Variants in SORCS3 observed in about 807,000 individuals in gnomAD.
SORCS3 encodes the protein sortilin related VPS10 domain containing receptor 3, also known as VPS10 domain-containing receptor SorCS3.
A neutral mutation model predicts 146.3 loss-of-function variants in SORCS3; 57 were observed. The ratio of observed to expected loss-of-function variants is 0.39; its 90% CI spans 0.31 to 0.49. The LOEUF (loss-of-function observed/expected upper bound fraction) is 0.49. SORCS3 is among the 20% of genes least tolerant of loss of function. SORCS3 has a pLI of 0.92. For missense variants in SORCS3, 1,341 were observed against 1,575.5 expected (o/e 0.85, Z 2.52); for synonymous variants, 653 against 618.5 (o/e 1.06, Z -0.83).
chr10:104,908,254 A>G (rs2133594791), intron 2 of SORCS3, among the ~76,000 whole-genome samples: 1 of 152,352 alleles, frequency 6.6e-6, no homozygotes, highest in South Asian at 2.1e-4. Context: ...GGGTCTTATC[A>G]TACACTTATG....
intron 1 of SORCS3, among the ~76,000 whole-genome samples, chr10:104,718,415 C>G (rs1253529278): frequency 6.6e-6 from 1 of 152,144 alleles, no homozygotes; most frequent in Non-Finnish European, 1.5e-5. Context: ...GGGCTCTGAC[C>G]TTCATGACAT....
chr10:105,203,850 G>T (rs1175342888), intron 16 of SORCS3, among the ~76,000 whole-genome samples: 1 of 152,124 alleles, frequency 6.6e-6, no homozygotes, highest in Non-Finnish European at 1.5e-5. Context: ...GCTAGCTATT[G>T]CTGCTGCTGT....
intron 2 of SORCS3, among the ~76,000 whole-genome samples, chr10:104,866,467 A>C (rs554847896): frequency 9.5e-4 from 145 of 152,324 alleles, no homozygotes; most frequent in Non-Finnish European, 1.6e-3. Flanking sequence ...AGTTAAAAAA[A>C]ACCTAGGTAC....
Position 104,853,270 on chromosome 10 carries a change from G to T in SORCS3, c.695+10411G>T, listed in dbSNP as rs180768450. Among the ~76,000 whole-genome samples, 509 of 152,344 alleles carry T rather than the reference G, an allele frequency of 3.3e-3. 2 individuals carry two copies. The highest frequency in any genetic ancestry group is 0.018 in the South Asian group (87 of 4,822). ...GCCAAGATTGCACCACTGCACTCCA[G>T]CCTGGATGACAGAATGAGACTGCGT... On this transcript the variant is annotated intron_variant, in intron 2 of 26. Transcript: ENST00000369701.
intron 3 of SORCS3, among the ~76,000 whole-genome samples, chr10:104,947,968 C>A (rs746366508): frequency 1.3e-5 from 2 of 152,132 alleles, no homozygotes; most frequent in African/African-American, 4.8e-5. Flanking sequence ...AAACAAAACT[C>A]CTTTTGTCTG....
intron 1 of SORCS3, among the ~76,000 whole-genome samples, chr10:104,646,886 G>T (rs1229900775): frequency 6.6e-6 from 1 of 152,040 alleles, no homozygotes; most frequent in African/African-American, 2.4e-5. Flanking sequence ...TGGTGTTGTG[G>T]GTAACTGAGA....
chr10:104,655,258 A>T (rs996929825), intron 1 of SORCS3, among the ~76,000 whole-genome samples: 5 of 151,990 alleles, frequency 3.3e-5, no homozygotes, highest in African/African-American at 7.3e-5. Flanking sequence ...AAAAAAAAAA[A>T]AAAAGGAGTA....
chr10:105,157,181 A>G lies in SORCS3; in HGVS notation c.1526A>G (p.Asp509Gly). The G allele has an allele frequency of 6.2e-7, 1 of 1,614,038 alleles. No individual in the cohort carries two copies. Among genetic ancestry groups the G allele is most frequent in the Non-Finnish European group, 8.5e-7 (1 of 1,179,930 alleles). The change falls in exon 10 of 27, where the codon GAC (aspartate) becomes GGC (glycine). Residue 509 changes from aspartate to glycine, a missense_variant. By Grantham distance (94) the Asp-to-Gly change is moderately conservative (BLOSUM62 -1). Coordinates refer to ENST00000369701, the MANE Select transcript of SORCS3 (RefSeq NM_014978.3). ...KGIFLANKKVDDQVKTYITYN... is the reference protein window; with the variant it reads ...KGIFLANKKVGDQVKTYITYN... ...ATATTTCTGGCAAACAAGAAGGTGG[A>G]CGACCAGGTGAAGACATACATCACT... is the stretch of plus-strand genomic sequence containing the variant.
intron 7 of SORCS3, among the ~76,000 whole-genome samples, chr10:105,124,650 G>A (rs1403792434): frequency 6.6e-6 from 1 of 152,128 alleles, no homozygotes; most frequent in African/African-American, 2.4e-5. Flanking sequence ...AAAATTGTCT[G>A]ATTCTTTAAT....
At chr10:105,042,235 G>A (rs1390286474) in intron 4 of SORCS3, among the ~76,000 whole-genome samples, 7 of 152,180 alleles carry the variant, frequency 4.6e-5, no homozygotes, top group Non-Finnish European at 7.3e-5. Flanking sequence ...TGGTGGCACC[G>A]TGGAAGCTTA....
At chr10:105,263,269 A>G in intron 26 of SORCS3, 41 bp from the exon 27 acceptor site, 1 of 1,596,974 alleles carries the variant, frequency 6.3e-7, no homozygotes, top group Non-Finnish European at 8.6e-7. Context: ...GCCCTTGTGG[A>G]ACTCACATCC....
intron 4 of SORCS3, among the ~76,000 whole-genome samples, chr10:104,981,303 T>C (rs189489788): frequency 6.6e-6 from 1 of 152,314 alleles, no homozygotes; most frequent in African/African-American, 2.4e-5. Context: ...TTCTTGGGTA[T>C]CTTTGTAGAT....
chr10:105,164,712 A>G (rs1185300682), intron 12 of SORCS3, among the ~76,000 whole-genome samples: 1 of 152,168 alleles, frequency 6.6e-6, no homozygotes, highest in Non-Finnish European at 1.5e-5. Flanking sequence ...GTGTGCCAAG[A>G]GTTCTTGGCA....
intron 3 of SORCS3, among the ~76,000 whole-genome samples, chr10:104,935,904 G>C (rs937103686): frequency 1.3e-5 from 2 of 152,128 alleles, no homozygotes; most frequent in African/African-American, 4.8e-5. Context: ...AGTGGTTAGG[G>C]ACCATGTGAG....
intron 17 of SORCS3, among the ~76,000 whole-genome samples, chr10:105,211,804 T>C (rs373981942): frequency 2.6e-5 from 4 of 152,230 alleles, no homozygotes; most frequent in African/African-American, 9.6e-5. Flanking sequence ...ATTTGTTGTC[T>C]TGCCCTTTCC....
At chr10:104,853,999 A>G (rs958503886) in intron 2 of SORCS3, among the ~76,000 whole-genome samples, 1 of 152,086 alleles carries the variant, frequency 6.6e-6, no homozygotes, top group African/African-American at 2.4e-5. Context: ...GGCAAAAGAG[A>G]TGAAGTTTGA....
At chr10:104,865,235 G>A (rs2018446621) in intron 2 of SORCS3, among the ~76,000 whole-genome samples, 1 of 152,186 alleles carries the variant, frequency 6.6e-6, no homozygotes, top group Non-Finnish European at 1.5e-5. Context: ...CTGTGTGAAA[G>A]AAGGAAAGAA....
chr10:105,144,457 G>T (rs2056117176), intron 8 of SORCS3, among the ~76,000 whole-genome samples: 2 of 152,116 alleles, frequency 1.3e-5, no homozygotes, highest in Non-Finnish European at 2.9e-5. Flanking sequence ...ATTAGGCCTA[G>T]ATTATAAGAA....
intron 3 of SORCS3, among the ~76,000 whole-genome samples, chr10:104,943,545 A>G (rs904057784): frequency 2.6e-5 from 4 of 152,214 alleles, no homozygotes; most frequent in African/African-American, 4.8e-5. Flanking sequence ...ATAGAAGACT[A>G]AAAAAATTCT....
Sources: allele counts gnomAD v4.1 joint callset (sites outside exome capture counted in the v4.1 genomes callset), GRCh38; gene constraint gnomAD v4.1.1; transcripts MANE v1.5; gene names NCBI Gene and HGNC (gene_info 2026-07-23, HGNC 2026-07-21).